ASPM: variants seen among roughly 807,000 people sequenced by gnomAD.
ASPM encodes abnormal spindle-like microcephaly-associated protein.
ASPM carries 256 observed loss-of-function variants against 366.4 expected under a neutral mutation model. The ratio of observed to expected loss-of-function variants is 0.70; its 90% CI spans 0.63 to 0.77. The LOEUF is 0.77. ASPM is among the 30% of genes least tolerant of loss of function. ASPM has a pLI of 0.00. For missense variants in ASPM, 4,146 were observed against 4,090.4 expected (o/e 1.01, Z -0.37); for synonymous variants, 1,414 against 1,342.9 (o/e 1.05, Z -1.16).
rs1390718494 is a variant in ASPM, at chr1:197,133,533, G to A, written c.2236C>T (p.Pro746Ser). 1 of 1,613,796 alleles carries A rather than the reference G, an allele frequency of 6.2e-7. No individual in the cohort carries two copies. Among genetic ancestry groups the A allele is most frequent in the Non-Finnish European group, 8.5e-7 (1 of 1,179,784 alleles). ...NQHKISVPRA[P>S]TKEEMSLRAY... Reference sequence around the variant, plus strand: ...CTGAGAGACATTTCCTCTTTTGTAGGTGCTCTAGGAACACTTATTTTATGT... The same window carrying A: ...CTGAGAGACATTTCCTCTTTTGTAGATGCTCTAGGAACACTTATTTTATGT... The change falls in exon 6 of 28, where the codon CCT becomes TCT. Residue 746 changes from proline (P) to serine (S), a missense_variant. Pro to Ser is a moderately conservative substitution (Grantham distance 74). Coordinates refer to ENST00000367409, the MANE Select transcript of ASPM (RefSeq NM_018136.5).
At position 197,125,029 on chromosome 1, in the gene ASPM, C is replaced by G. The variant is rs1658046556; in HGVS notation, c.3082+17G>C. 6.2e-7 allele frequency: 1 copy of G among 1,613,086 alleles called. No individual in the cohort carries two copies. Among genetic ancestry groups the G allele is most frequent in the South Asian group, 1.1e-5 (1 of 91,054 alleles). On this transcript the variant is annotated intron_variant, in intron 11 of 27. Transcript: ENST00000367409. Reference sequence around the variant, plus strand: ...ATTCAGTGAGGAGAATAAGTTTTACCTCTACTCAGTTTTTACCATGCTCAT... The same window carrying G: ...ATTCAGTGAGGAGAATAAGTTTTACGTCTACTCAGTTTTTACCATGCTCAT...
At chr1:197,090,423 T>C (rs1281451144) in intron 23 of ASPM, 35 bp from the exon 24 acceptor site, 2 of 1,488,090 alleles carry the variant, frequency 1.3e-6, no homozygotes, top group East Asian at 2.3e-5. Context: ...TTTAAGATTA[T>C]AGCCAATGTT....
chr1:197,129,152 A>C, intron 9 of ASPM, 35 bp downstream of exon 9: 2 of 1,596,894 alleles, frequency 1.3e-6, no homozygotes, highest in Non-Finnish European at 1.7e-6. Context: ...GTAAATGGGA[A>C]ATATAAAATA....
intron 26 of ASPM, among the ~76,000 whole-genome samples, chr1:197,088,026 G>T (rs1388598735): frequency 6.6e-6 from 1 of 152,078 alleles, no homozygotes. Flanking sequence ...ATGGGAAATG[G>T]TTACTTATAT....
At chr1:197,112,912 T>G (rs1657631612) in intron 17 of ASPM, among the ~76,000 whole-genome samples, 3 of 152,228 alleles carry the variant, frequency 2.0e-5, no homozygotes, top group African/African-American at 7.2e-5. Context: ...CTAAATTAAC[T>G]GAGACCTGAC....
chr1:197,141,755 T>G (rs1233642912), intron 3 of ASPM, among the ~76,000 whole-genome samples: 2 of 152,178 alleles, frequency 1.3e-5, no homozygotes, highest in Non-Finnish European at 2.9e-5. Context: ...TTCCTCCCTG[T>G]GTACACAGTG....
At chr1:197,087,864 T>A (rs1235058787) in intron 26 of ASPM, among the ~76,000 whole-genome samples, 1 of 152,164 alleles carries the variant, frequency 6.6e-6, no homozygotes, top group East Asian at 1.9e-4. Context: ...TTATGGCCTA[T>A]GGTTTCCCCA....
rs1185234746 is a variant in ASPM, at chr1:197,086,825, C to A, written c.10309G>T (p.Val3437Leu). Residue 3437 changes from valine (V) to leucine (L), a missense_variant, in exon 27 of 28, where the codon GTA becomes TTA. Transcript: ENST00000367409. ...TACCTTGAAACTATTCTGGTCCTTACAGGTGTTTCTGGGATAAAAGGAATG... is the reference window on the plus strand; with the variant it reads ...TACCTTGAAACTATTCTGGTCCTTAAAGGTGTTTCTGGGATAAAAGGAATG... ...ISIPFIPETPVRTRIVSRLKP... is the reference protein window; with the variant it reads ...ISIPFIPETPLRTRIVSRLKP... 6.2e-7 allele frequency: 1 copy of A among 1,610,214 alleles called. No individual in the cohort carries two copies. The highest frequency in any genetic ancestry group is 1.7e-5 in the Admixed American group (1 of 60,010).
rs1658505648 is a variant in ASPM at position 197,139,144 on chromosome 1, T to C, written c.2026+623A>G. On this transcript the variant is annotated intron_variant, in intron 4 of 27. Transcript: ENST00000367409. ...CTGAGTGTAGGTTTTTCTTTTAGAT[T>C]TTCCACATTGGTACAAAGAAGCATA... 6 of 910,824 alleles carry C rather than the reference T, an allele frequency of 6.6e-6. No homozygotes were observed. The East Asian group carries it at 1.2e-4, about 18-fold the overall frequency. The allele number at this position is 910,824 out of a possible 1,614,324, so 56.4% of individuals were successfully genotyped here.
chr1:197,110,988 G>A (rs933928221), intron 17 of ASPM, among the ~76,000 whole-genome samples: 1 of 151,998 alleles, frequency 6.6e-6, no homozygotes, highest in Non-Finnish European at 1.5e-5. Context: ...AAAAACCCTA[G>A]AAGAAAACCT....
In ASPM at chr1:197,135,019, TA is replaced by T. The variant is rs35659894; in HGVS notation, c.2173+76del. On this transcript the variant is annotated intron_variant, in intron 5 of 27. Transcript: ENST00000367409. Reference sequence around the variant, plus strand: ...ATTAATTATAATAACTATGTATAATTAAAGAATGACAAACGATGTTAAAAAT... The same window carrying T: ...ATTAATTATAATAACTATGTATAATTAAGAATGACAAACGATGTTAAAAAT... The T allele has an allele frequency of 0.88, 1,007,990 of 1,149,458 alleles. 451,629 individuals are homozygous for T. Among genetic ancestry groups the T allele is most frequent in the East Asian group, 0.98 (38,118 of 38,824 alleles). The allele number at this position is 1,149,458 out of a possible 1,614,324, so 71.2% of individuals were successfully genotyped here. A position where few individuals can be genotyped will look rare whatever the true frequency, so the allele number is the denominator to read the frequency against.
intron 7 of ASPM, among the ~76,000 whole-genome samples, chr1:197,130,892 G>A (rs926086848): frequency 6.6e-6 from 1 of 152,172 alleles, no homozygotes; most frequent in Non-Finnish European, 1.5e-5. Context: ...GAATGTGGGT[G>A]GAGATGATAC....
At position 197,090,873 on chromosome 1, in the gene ASPM, T is replaced by A; in HGVS notation, c.9613A>T (p.Thr3205Ser). 3.1e-6 allele frequency: 5 copies of A among 1,613,128 alleles called. No homozygotes were observed. Residue 3205 changes from threonine (T) to serine (S), a missense_variant, in exon 23 of 28, where the codon ACT becomes TCT. Physicochemically the swap from Thr to Ser is moderately conservative, Grantham distance 58. This residue lies in a region of ASPM where 3,624 missense variants were observed against 3,591.7 expected (regional missense o/e 1.01). Transcript: ENST00000367409. The stretch of plus-strand genomic sequence containing the variant: ...ACCTGAATTTTAATGATTCCACTAG[T>A]GAATTTTTCCTGCTTTTTACGGAGG... ...FLLRKKQEKF[T>S]SGIIKIQALW...
intron 22 of ASPM, 79 bp from the exon 23 acceptor site, chr1:197,091,120 T>C (rs762985894): frequency 5.9e-5 from 69 of 1,170,180 alleles, no homozygotes; most frequent in Non-Finnish European, 7.7e-5. Context: ...CATTTATACA[T>C]AAATGAAAGA....
In ASPM at chr1:197,088,380, A is replaced by G; in HGVS notation, c.10037T>C (p.Leu3346Pro). The change falls in exon 26 of 28, where the codon CTA becomes CCA. Residue 3346 changes from leucine to proline, a missense_variant. Coordinates refer to ENST00000367409, the MANE Select transcript of ASPM (RefSeq NM_018136.5). ...VYDVENCIDI[L>P]LELLQIYREK... ...TCGGTATATCTGCAAAAGCTCCAATAGTATATCTATACAATTTTCTACATC... is the reference window on the plus strand; with the variant it reads ...TCGGTATATCTGCAAAAGCTCCAATGGTATATCTATACAATTTTCTACATC... 2 of 1,610,816 alleles carry G rather than the reference A, an allele frequency of 1.2e-6. No homozygotes were observed. Among genetic ancestry groups the G allele is most frequent in the Non-Finnish European group, 8.5e-7 (1 of 1,177,478 alleles).
At chr1:197,099,067 G>A (rs534904870) in intron 18 of ASPM, among the ~76,000 whole-genome samples, 2 of 151,586 alleles carry the variant, frequency 1.3e-5, no homozygotes, top group South Asian at 4.2e-4. Flanking sequence ...TTGCCTCCTT[G>A]TTCATGCTCT....
Position 197,104,127 on chromosome 1 carries a change from G to A in ASPM, c.5124C>T (p.Ile1708=), listed in dbSNP as rs750080330. The A allele has an allele frequency of 6.2e-7, 1 of 1,612,818 alleles. No homozygotes were observed. Among genetic ancestry groups the A allele is most frequent in the East Asian group, 2.2e-5 (1 of 44,808 alleles). Residue 1708 remains isoleucine, a synonymous_variant, in exon 18 of 28, where the codon ATC becomes ATT. Transcript: ENST00000367409. ...TTTTTTTGGAACGGTAACATTGCTGGATAAATAGTGCAGCTGCTCTTAAAT... is the reference window on the plus strand; with the variant it reads ...TTTTTTTGGAACGGTAACATTGCTGAATAAATAGTGCAGCTGCTCTTAAAT... ...YLHLRAAALF[I]QQCYRSKKIA...
chr1:197,143,198 G>A lies in ASPM; in HGVS notation c.1054C>T (p.His352Tyr). 3.1e-6 allele frequency: 5 copies of A among 1,613,458 alleles called. No individual in the cohort carries two copies. Among genetic ancestry groups the A allele is most frequent in the Non-Finnish European group, 4.2e-6 (5 of 1,179,588 alleles). ...MFMKDNSQPVHLESTIAHEIY... is the reference protein window; with the variant it reads ...MFMKDNSQPVYLESTIAHEIY... ...TCATGTGCAATTGTTGATTCCAAATGCACAGGCTGTGAATTATCTTTCATA... is the reference window on the plus strand; with the variant it reads ...TCATGTGCAATTGTTGATTCCAAATACACAGGCTGTGAATTATCTTTCATA... Residue 352 changes from histidine (H) to tyrosine (Y), a missense_variant, in exon 3 of 28, where the codon CAT becomes TAT. This residue lies in a region of ASPM where 512 missense variants were observed against 471.7 expected (regional missense o/e 1.09). Coordinates refer to ENST00000367409, the MANE Select transcript of ASPM (RefSeq NM_018136.5).
chr1:197,122,709 A>C (rs1016235001), intron 13 of ASPM, 114 bp from the exon 14 acceptor site: 10 of 1,050,266 alleles, frequency 9.5e-6, no homozygotes, highest in Non-Finnish European at 1.4e-5. Flanking sequence ...CAAATCTACA[A>C]GGCAAGTAAT....
Sources: allele counts gnomAD v4.1 joint callset (sites outside exome capture counted in the v4.1 genomes callset), GRCh38; gene constraint gnomAD v4.1.1; regional missense constraint gnomAD v4.1.1; transcripts MANE v1.5; gene names NCBI Gene and HGNC (gene_info 2026-07-23, HGNC 2026-07-21).